The following CKM variants were observed in gnomAD, a reference collection of about 807,000 sequenced individuals.
The protein encoded by CKM is creatine kinase M-type.
Under a neutral mutation model 35.4 loss-of-function variants are expected in CKM, and 28 were observed. The ratio of observed to expected loss-of-function variants is 0.79; its 90% CI spans 0.59 to 1.08. The LOEUF (loss-of-function observed/expected upper bound fraction) is 1.08. Ranked by LOEUF, CKM falls within the 50% of genes least tolerant of loss-of-function variation. CKM has a pLI of 0.00. For missense variants in CKM, 484 were observed against 509.8 expected, an observed-to-expected ratio of 0.95 and a Z score of 0.49; for synonymous variants, 215 against 204.4, an observed-to-expected ratio of 1.05 and a Z score of -0.44.
At chr19:45,315,888 G>A (rs1256793772) in intron 3 of CKM, among the ~76,000 whole-genome samples, 1 of 138,466 alleles carries the variant, frequency 7.2e-6, no homozygotes, top group Non-Finnish European at 1.5e-5. Context: ...CTGTCGCCCA[G>A]GCTGGAGTGC....
chr19:45,322,726 G>T, intron 1 of CKM, 95 bp downstream of exon 1: 1 of 747,998 alleles, frequency 1.3e-6, no homozygotes, highest in Non-Finnish European at 1.6e-6. Flanking sequence ...GGTGGAGCAA[G>T]GGGTGACACA....
At chr19:45,308,063 C>A (rs1385742023) in intron 6 of CKM, among the ~76,000 whole-genome samples, 4 of 152,008 alleles carry the variant, frequency 2.6e-5, no homozygotes, top group Admixed American at 6.6e-5. Flanking sequence ...AGTATAGAGA[C>A]GGGGTTTCAC....
In CKM at chr19:45,310,928, G is replaced by A. The variant is rs564115308; in HGVS notation, c.653+821C>T. Among the ~76,000 whole-genome samples the A allele has an allele frequency of 1.1e-3, 139 of 132,358 alleles. 3 individuals are homozygous for A. The highest frequency in any genetic ancestry group is 3.7e-3 in the African/African-American group (120 of 32,308). The allele number at this position is 132,358 out of a possible 152,430, so 86.8% of individuals were successfully genotyped here. On this transcript the variant is annotated intron_variant, in intron 5 of 7. Transcript: ENST00000221476. ...TGGGACTACAGGCGCCTGCCACGAC[G>A]CCGGGCTAATTTTTTTTTTTTTTTT...
At chr19:45,322,726 G>A (rs1040681997) in intron 1 of CKM, 95 bp downstream of exon 1, 4 of 747,880 alleles carry the variant, frequency 5.3e-6, no homozygotes, top group Admixed American at 6.3e-5. Context: ...GGTGGAGCAA[G>A]GGGTGACACA....
rs201284328 is a variant in CKM, at chr19:45,311,862, C to T, written c.540G>A (p.Thr180=). Residue 180 remains threonine, a synonymous_variant, in exon 5 of 8, where the codon ACG becomes ACA. Transcript: ENST00000221476. The part of the protein sequence containing the change: ...KGKYYPLKSM[T]EKEQQQLIDD... ...CGATGAGCTGCTGCTGCTCCTTCTC[C>T]GTCATGCTCTTCAGAGGGTAGTACT... is the stretch of plus-strand genomic sequence containing the variant. The T allele has an allele frequency of 2.9e-5, 47 of 1,613,812 alleles. No homozygotes were observed. The East Asian group carries it at 8.0e-4, about 28-fold the overall frequency.
At position 45,306,793 on chromosome 19, in the gene CKM, T is replaced by C. The variant is rs746052741; in HGVS notation, c.1103A>G (p.Glu368Gly). The C allele has an allele frequency of 6.2e-7, 1 of 1,614,172 alleles. No individual in the cohort carries two copies. Among genetic ancestry groups the C allele is most frequent in the Non-Finnish European group, 8.5e-7 (1 of 1,180,016 alleles). ...CATGTCGTCAATGGACTGGCCTTTCTCCAACTTCTTCTCCATTTCCACCAT... is the reference window on the plus strand; with the variant it reads ...CATGTCGTCAATGGACTGGCCTTTCCCCAACTTCTTCTCCATTTCCACCAT... ...KLMVEMEKKL[E>G]KGQSIDDMIP... Residue 368 changes from glutamate (E) to glycine (G), a missense_variant, in exon 8 of 8, where the codon GAG becomes GGG. Glu to Gly is a moderately conservative substitution (Grantham distance 98). Transcript: ENST00000221476. The surrounding 1 kb of genome is among the most constrained non-coding windows in gnomAD (Gnocchi z 4.5).
In CKM at chr19:45,306,986, C is replaced by T. The variant is rs543386846; in HGVS notation, c.968-58G>A. ...CAGCGAAGGTGCAGAGGGGCTGGGA[C>T]GTGGCCCCCGTGCCAAATGCAACAG... On this transcript the variant is annotated intron_variant, in intron 7 of 7. Transcript: ENST00000221476. This position sits in a 1 kb window ranked among gnomAD's most constrained non-coding sequence, Gnocchi z 4.5. The T allele has an allele frequency of 1.9e-6, 3 of 1,575,872 alleles. No homozygotes were observed. The highest frequency in any genetic ancestry group is 2.2e-5 in the East Asian group (1 of 44,708).
At chr19:45,310,116 C>CT (rs56240150) in intron 5 of CKM, among the ~76,000 whole-genome samples, 2,591 of 93,864 alleles carry the variant, frequency 0.028, 140 homozygotes, top group East Asian at 0.052. Context: ...CCAGGCACTG[C>CT]TTTTTTTTTT....
chr19:45,307,139 G>A (rs1306408262), intron 7 of CKM, among the ~76,000 whole-genome samples: 1 of 152,200 alleles, frequency 6.6e-6, no homozygotes, highest in Non-Finnish European at 1.5e-5. Flanking sequence ...ACATAGTATA[G>A]TGGGTAAGAG....
At chr19:45,321,063 A>ATTTTTTTTTTTTTTTTTTTTTTTTTT in intron 1 of CKM, among the ~76,000 whole-genome samples, 1 of 142,674 alleles carries the variant, frequency 7.0e-6, no homozygotes, top group Non-Finnish European at 1.5e-5. Flanking sequence ...ACACCTGGCT[A>ATTTTTTTTTTTTTTTTTTTTTTTTTT]TTTTTTTTTT....
At chr19:45,307,047 C>T in intron 7 of CKM, 119 bp from the exon 8 acceptor site, 1 of 972,562 alleles carries the variant, frequency 1.0e-6, no homozygotes, top group Non-Finnish European at 1.6e-6. Flanking sequence ...TAACAGGTTA[C>T]CTGCACACAG....
chr19:45,307,135 T>C (rs1407645453), intron 7 of CKM, among the ~76,000 whole-genome samples: 3 of 151,992 alleles, frequency 2.0e-5, no homozygotes, highest in East Asian at 3.9e-4. Flanking sequence ...TCAAACATAG[T>C]ATAGTGGGTA....
At chr19:45,313,061 T>C (rs749853821) in intron 4 of CKM, among the ~76,000 whole-genome samples, 1 of 152,132 alleles carries the variant, frequency 6.6e-6, no homozygotes, top group Non-Finnish European at 1.5e-5. Context: ...CTATAATATT[T>C]ATATATCTTA....
chr19:45,308,284 C>T (rs1599814011), intron 6 of CKM, 125 bp downstream of exon 6: 7 of 1,119,764 alleles, frequency 6.3e-6, no homozygotes, highest in Non-Finnish European at 2.4e-6. Flanking sequence ...GAGCCAGGTC[C>T]GGGGGGCAGG....
chr19:45,311,862 C>G lies in CKM; in HGVS notation c.540G>C (p.Thr180=), dbSNP rs201284328. The G allele has an allele frequency of 3.5e-5, 56 of 1,613,930 alleles. No individual in the cohort carries two copies. In the Admixed American group the frequency reaches 6.2e-4, roughly 18 times the overall value. Residue 180 remains threonine, a synonymous_variant, in exon 5 of 8, where the codon ACG becomes ACC. Transcript: ENST00000221476. ...KGKYYPLKSM[T]EKEQQQLIDD... is the part of the protein sequence containing the mutation. ...CGATGAGCTGCTGCTGCTCCTTCTC[C>G]GTCATGCTCTTCAGAGGGTAGTACT...
At position 45,308,393 on chromosome 19, in the gene CKM, A is replaced by T; in HGVS notation, c.777+16T>A. 2 of 1,614,044 alleles carry T rather than the reference A, an allele frequency of 1.2e-6. No individual in the cohort carries two copies. Among genetic ancestry groups the T allele is most frequent in the Non-Finnish European group, 1.7e-6 (2 of 1,179,940 alleles). ...AAGGTGGAGTCAGAAGTCAGCAGCTAAGGGCAGACACCCACCTTCTGCAGC... is the reference window on the plus strand; with the variant it reads ...AAGGTGGAGTCAGAAGTCAGCAGCTTAGGGCAGACACCCACCTTCTGCAGC... On this transcript the variant is annotated intron_variant, in intron 6 of 7. Transcript: ENST00000221476.
At chr19:45,308,619 G>T (rs1052753145) in intron 5 of CKM, 87 bp from the exon 6 acceptor site, 6 of 1,545,416 alleles carry the variant, frequency 3.9e-6, no homozygotes, top group Non-Finnish European at 4.4e-6. Flanking sequence ...TCTGCCCACC[G>T]ATGGGGGAAG....
chr19:45,315,702 C>T, intron 3 of CKM, 105 bp from the exon 4 acceptor site: 2 of 1,436,482 alleles, frequency 1.4e-6, no homozygotes, highest in Non-Finnish European at 9.5e-7. Context: ...GCTTCCTTTG[C>T]CTTCTGCATC....
Position 45,317,999 on chromosome 19 carries a change from G to C in CKM, c.194-20C>G. The C allele has an allele frequency of 6.2e-7, 1 of 1,612,398 alleles. No homozygotes were observed. Among genetic ancestry groups the C allele is most frequent in the African/African-American group, 1.3e-5 (1 of 75,008 alleles). On this transcript the variant is annotated intron_variant, in intron 2 of 7. Transcript: ENST00000221476. ...GGTGACCTGGAGGGGTGGGGGTGAG[G>C]TCAGAGCTGCTTGTCCCCAGCAAAC... is the stretch of plus-strand genomic sequence containing the variant.
Sources: gnomAD v4.1 joint callset for allele counts (sites outside exome capture counted in the v4.1 genomes callset) on GRCh38, gnomAD v4.1.1 for gene constraint, Gnocchi (gnomAD v3.1) non-coding constraint, MANE v1.5 for transcripts, NCBI Gene and HGNC (gene_info 2026-07-23, HGNC 2026-07-21) for gene names.